The following TINAG variants were observed in gnomAD, a reference collection of about 807,000 sequenced individuals.
The protein encoded by TINAG is tubulointerstitial nephritis antigen.
TINAG carries 83 observed loss-of-function variants against 72.7 expected under a neutral mutation model. The observed-to-expected ratio is 1.14, with a 90% CI of 0.96 to 1.37. The LOEUF (loss-of-function observed/expected upper bound fraction) is 1.37. Among genes scored for constraint, TINAG ranks in the 40% most tolerant of loss-of-function variants. The pLI, the probability that TINAG is intolerant of heterozygous loss-of-function variation, is 0.00. For missense variants in TINAG, 685 were observed against 576.6 expected, an observed-to-expected ratio of 1.19 and a Z score of -1.93; for synonymous variants, 234 against 189.9, an observed-to-expected ratio of 1.23 and a Z score of -1.91.
At chr6:54,340,731 A>AAATAAGTTTGCCC (rs1784977312) in intron 4 of TINAG, among the ~76,000 whole-genome samples, 3 of 152,192 alleles carry the variant, frequency 2.0e-5, no homozygotes, top group African/African-American at 7.2e-5. Context: ...GGCTTAGTGG[A>AAATAAGTTTGCCC]TTGGTAAATA....
In TINAG at chr6:54,308,686, C is replaced by T. The variant is rs766413373; in HGVS notation, c.136C>T (p.Arg46Ter). ...TRNHTVLQGTRFKRAIFQGQY... is the reference protein window; with the variant it reads ...TRNHTVLQGT ...GAATCACACCGTTTTGCAAGGTACT[C>T]GATTCAAAAGAGCCATTTTCCAAGG... Residue 46 changes from arginine to a stop codon, truncating the protein, a stop_gained, in exon 1 of 11, where the codon CGA (arginine) becomes TGA (stop). Coordinates refer to ENST00000259782, the MANE Select transcript of TINAG (RefSeq NM_014464.4). LOFTEE classifies it high-confidence loss of function. 1.9e-6 allele frequency: 3 copies of T among 1,613,720 alleles called. No homozygotes were observed. The highest frequency in any genetic ancestry group is 1.7e-6 in the Non-Finnish European group (2 of 1,179,844).
At chr6:54,323,309 C>T (rs1246753929) in intron 3 of TINAG, among the ~76,000 whole-genome samples, 1 of 152,156 alleles carries the variant, frequency 6.6e-6, no homozygotes, top group African/African-American at 2.4e-5. Flanking sequence ...AGAAATAAAA[C>T]TAAAATTATT....
chr6:54,389,514 A>G (rs779245348), intron 10 of TINAG, among the ~76,000 whole-genome samples: 1 of 152,186 alleles, frequency 6.6e-6, no homozygotes, highest in African/African-American at 2.4e-5. Context: ...CTTGCATGCC[A>G]TCTTCTGATG....
rs144969710 is a variant in TINAG, at chr6:54,380,704, C to T, written c.1296+133C>T. On this transcript the variant is annotated intron_variant, in intron 10 of 10. Transcript: ENST00000259782. ...ATATTGTTGATAACATCAGTGTTTT[C>T]GCCAGCACAAAACTTATTATAAACA... The T allele has an allele frequency of 2.8e-4, 153 of 538,522 alleles. 4 individuals are homozygous for T. In the East Asian group the frequency reaches 4.5e-3, roughly 16 times the overall value. The allele number at this position is 538,522 out of a possible 1,614,324, so 33.4% of individuals were successfully genotyped here.
At chr6:54,338,521 A>T (rs1436799617) in intron 4 of TINAG, among the ~76,000 whole-genome samples, 2 of 152,022 alleles carry the variant, frequency 1.3e-5, no homozygotes, top group African/African-American at 4.8e-5. Flanking sequence ...GGAGATCAAG[A>T]CCATCCTAGC....
At chr6:54,361,678 T>C (rs1273741565) in intron 9 of TINAG, among the ~76,000 whole-genome samples, 2 of 151,632 alleles carry the variant, frequency 1.3e-5, no homozygotes, top group Non-Finnish European at 3.0e-5. Context: ...AAGCTAGAAA[T>C]GATTAAGCTT....
intron 9 of TINAG, among the ~76,000 whole-genome samples, chr6:54,356,101 A>G (rs1763028791): frequency 6.6e-6 from 1 of 151,954 alleles, no homozygotes; most frequent in Non-Finnish European, 1.5e-5. Context: ...TTGGAAGCCT[A>G]TGGTAGCTTC....
chr6:54,341,025 C>T (rs913555561), intron 4 of TINAG, among the ~76,000 whole-genome samples: 1 of 151,918 alleles, frequency 6.6e-6, no homozygotes, highest in African/African-American at 2.4e-5. Flanking sequence ...ATAACCCAAC[C>T]CTGCTGAATT....
chr6:54,384,731 GA>G (rs1266501298), intron 10 of TINAG, among the ~76,000 whole-genome samples: 4 of 151,790 alleles, frequency 2.6e-5, no homozygotes, highest in South Asian at 2.1e-4. Flanking sequence ...AAAAGTTACA[GA>G]AAAAAAGTAG....
chr6:54,345,288 T>C (rs1293080642), intron 5 of TINAG, among the ~76,000 whole-genome samples: 1 of 152,172 alleles, frequency 6.6e-6, no homozygotes, highest in Non-Finnish European at 1.5e-5. Context: ...GATTCAGAAA[T>C]GTCGGTATAA....
rs192076432 is a variant in TINAG at position 54,336,569 on chromosome 6, T to A, written c.625-6657T>A. Among the ~76,000 whole-genome samples the A allele has an allele frequency of 2.6e-5, 4 of 152,276 alleles. No homozygotes were observed. The East Asian group carries it at 7.7e-4, about 29-fold the overall frequency. On this transcript the variant is annotated intron_variant, in intron 4 of 10. Coordinates refer to ENST00000259782, the MANE Select transcript of TINAG (RefSeq NM_014464.4). Reference sequence around the variant, plus strand: ...CCAAGAAGCTTCACTGTGTTATATCTTATAAATATTAAAAATATTTTGAAA... The same window carrying A: ...CCAAGAAGCTTCACTGTGTTATATCATATAAATATTAAAAATATTTTGAAA...
chr6:54,332,248 T>C (rs562379264), intron 4 of TINAG, among the ~76,000 whole-genome samples: 25 of 152,318 alleles, frequency 1.6e-4, no homozygotes, highest in African/African-American at 5.8e-4. Flanking sequence ...TAAAACAGCA[T>C]GGTACTTGTA....
chr6:54,375,012 C>A (rs572323253), intron 9 of TINAG, among the ~76,000 whole-genome samples: 33 of 152,146 alleles, frequency 2.2e-4, no homozygotes, highest in African/African-American at 7.7e-4. Context: ...GCAGAGACCC[C>A]AGAAATAGCA....
chr6:54,316,706 C>CACTGACA (rs1784381069), intron 1 of TINAG, among the ~76,000 whole-genome samples: 1 of 152,034 alleles, frequency 6.6e-6, no homozygotes, highest in African/African-American at 2.4e-5. Flanking sequence ...AGCATAGATA[C>CACTGACA]TTATAATACA....
At chr6:54,338,998 A>G (rs572033301) in intron 4 of TINAG, among the ~76,000 whole-genome samples, 7 of 152,260 alleles carry the variant, frequency 4.6e-5, no homozygotes, top group African/African-American at 1.4e-4. Context: ...CTAGTGTTCT[A>G]AGGAACTCAT....
intron 3 of TINAG, among the ~76,000 whole-genome samples, chr6:54,321,659 G>C (rs1328774550): frequency 2.0e-5 from 3 of 151,692 alleles, no homozygotes; most frequent in Admixed American, 2.0e-4. Context: ...AGCTACTTTG[G>C]ATAAGTATTT....
At chr6:54,321,879 G>C (rs538524619) in intron 3 of TINAG, among the ~76,000 whole-genome samples, 7 of 152,278 alleles carry the variant, frequency 4.6e-5, no homozygotes, top group South Asian at 4.1e-4. Flanking sequence ...TCAAAAGACA[G>C]ATTGAGCTAC....
intron 1 of TINAG, among the ~76,000 whole-genome samples, chr6:54,309,221 CTCT>C (rs757753377): frequency 1.1e-3 from 166 of 152,208 alleles, no homozygotes; most frequent in Non-Finnish European, 1.8e-3. Flanking sequence ...TTCTCTCTCT[CTCT>C]TCTTTTTATT....
At chr6:54,340,890 C>CT (rs1252764238) in intron 4 of TINAG, among the ~76,000 whole-genome samples, 1 of 151,922 alleles carries the variant, frequency 6.6e-6, no homozygotes, top group East Asian at 1.9e-4. Flanking sequence ...CTTAAAGTGC[C>CT]TATGGAGGAA....
Sources: gnomAD v4.1 joint callset for allele counts (sites outside exome capture counted in the v4.1 genomes callset) on GRCh38, gnomAD v4.1.1 for gene constraint, MANE v1.5 for transcripts, NCBI Gene and HGNC (gene_info 2026-07-23, HGNC 2026-07-21) for gene names.